The following CHRM3 variants were observed in gnomAD, a reference collection of about 807,000 sequenced individuals.
CHRM3 encodes muscarinic acetylcholine receptor M3.
CHRM3 carries 11 observed loss-of-function variants against 41.8 expected under a neutral mutation model. The observed-to-expected ratio is 0.26, with a 90% confidence interval of 0.17 to 0.44. The LOEUF (loss-of-function observed/expected upper bound fraction) is 0.44, where lower values mean the gene tolerates loss of function less well. Among genes scored for constraint, CHRM3 ranks in the 20% least tolerant of loss-of-function variants. CHRM3 has a pLI of 1.00. For synonymous variants in CHRM3, 297 were observed against 301.4 expected, an observed-to-expected ratio of 0.99 and a Z score of 0.15; for missense variants, 571 against 745.4, an observed-to-expected ratio of 0.77 and a Z score of 2.72.
intron 1 of CHRM3, among the ~76,000 whole-genome samples, chr1:239,401,501 T>C (rs1659970427): frequency 6.9e-6 from 1 of 144,598 alleles, no homozygotes; most frequent in African/African-American, 2.9e-5. Context: ...TTTTCCTTTT[T>C]TTTTTCTTTT....
chr1:239,618,359 G>C (rs985324004), intron 3 of CHRM3, among the ~76,000 whole-genome samples: 7 of 144,406 alleles, frequency 4.8e-5, no homozygotes, highest in Admixed American at 1.4e-4. Flanking sequence ...TGCAAGCTTA[G>C]AGAGGCTGAT....
chr1:239,885,351 C>T lies in CHRM3; in HGVS notation c.-19-22082C>T, dbSNP rs149597022. ...TTTTAGTGACAGGAGGTCCGGAGTACGGTCCAAAAATGGGCAGGTCTAACA... is the reference window on the plus strand; with the variant it reads ...TTTTAGTGACAGGAGGTCCGGAGTATGGTCCAAAAATGGGCAGGTCTAACA... On this transcript the variant is annotated intron_variant, in intron 6 of 6. Coordinates refer to ENST00000676153, the MANE Select transcript of CHRM3 (RefSeq NM_001375978.1). Among the ~76,000 whole-genome samples the T allele has an allele frequency of 1.3e-3, 193 of 152,214 alleles. 1 individual carries two copies. The highest frequency in any genetic ancestry group is 4.4e-3 in the African/African-American group (184 of 41,542).
intron 3 of CHRM3, among the ~76,000 whole-genome samples, chr1:239,566,053 T>C (rs1310264827): frequency 6.6e-6 from 1 of 151,736 alleles, no homozygotes; most frequent in Non-Finnish European, 1.5e-5. Flanking sequence ...TAGTTGGGAC[T>C]ACAGGCATGT....
At chr1:239,863,159 T>C (rs1303300404) in intron 6 of CHRM3, among the ~76,000 whole-genome samples, 1 of 152,148 alleles carries the variant, frequency 6.6e-6, no homozygotes, top group Non-Finnish European at 1.5e-5. Context: ...TCCTAATGGG[T>C]AACTCATATT....
At chr1:239,531,921 T>C (rs1289278237) in intron 2 of CHRM3, among the ~76,000 whole-genome samples, 1 of 149,014 alleles carries the variant, frequency 6.7e-6, no homozygotes, top group Non-Finnish European at 1.5e-5. Flanking sequence ...GGCCTCCCAA[T>C]GTGCTGGGAT....
At chr1:239,678,453 A>G (rs73109160) in intron 5 of CHRM3, among the ~76,000 whole-genome samples, 165 bp downstream of exon 5, 5,890 of 152,240 alleles carry the variant, frequency 0.039, 262 homozygotes, top group East Asian at 0.11. Flanking sequence ...ATATTTTGGC[A>G]TCCACAACTC....
At chr1:239,418,147 T>G (rs1465340149) in intron 1 of CHRM3, among the ~76,000 whole-genome samples, 1 of 152,200 alleles carries the variant, frequency 6.6e-6, no homozygotes, top group Non-Finnish European at 1.5e-5. Flanking sequence ...ATGAGCCCCC[T>G]GGGAGAGGAC....
intron 6 of CHRM3, among the ~76,000 whole-genome samples, chr1:239,848,032 A>AAACCTGTGTTTAAATGGTGTT (rs59350542): frequency 0.026 from 3,984 of 152,232 alleles, 180 homozygotes; most frequent in African/African-American, 0.089. Context: ...TATGTGAGAC[A>AAACCTGTGTTTAAATGGTGTT]AAACCACCAT....
At chr1:239,649,650 A>G (rs1364536450) in intron 4 of CHRM3, among the ~76,000 whole-genome samples, 2 of 152,068 alleles carry the variant, frequency 1.3e-5, no homozygotes, top group African/African-American at 4.8e-5. Flanking sequence ...TGTTTGTGAG[A>G]TGGTGGAGGT....
chr1:239,797,640 A>T (rs1181295483), intron 5 of CHRM3, among the ~76,000 whole-genome samples: 2 of 152,202 alleles, frequency 1.3e-5, no homozygotes, highest in East Asian at 3.8e-4. Flanking sequence ...AAAGCATTTT[A>T]AAAGCTGTAT....
chr1:239,627,871 C>T (rs1332438531), intron 3 of CHRM3, among the ~76,000 whole-genome samples: 2 of 151,044 alleles, frequency 1.3e-5, no homozygotes, highest in South Asian at 2.1e-4. Flanking sequence ...CCGAGAGATC[C>T]GCTGTTAGTC....
intron 6 of CHRM3, among the ~76,000 whole-genome samples, chr1:239,844,471 C>G (rs1572467693): frequency 6.6e-6 from 1 of 152,114 alleles, no homozygotes; most frequent in Non-Finnish European, 1.5e-5. Context: ...TCAAACTATA[C>G]CTGTTCACTC....
chr1:239,579,174 C>G (rs974689263), intron 3 of CHRM3, among the ~76,000 whole-genome samples: 9 of 152,114 alleles, frequency 5.9e-5, no homozygotes, highest in African/African-American at 2.2e-4. Flanking sequence ...GCCTTCTTTG[C>G]CCCTGGTTTT....
At chr1:239,571,674 T>A (rs1213481881) in intron 3 of CHRM3, among the ~76,000 whole-genome samples, 2 of 152,148 alleles carry the variant, frequency 1.3e-5, no homozygotes, top group African/African-American at 4.8e-5. Context: ...ATTCTCACAG[T>A]GATCTCCGTC....
chr1:239,781,515 T>G (rs1364121085), intron 5 of CHRM3, among the ~76,000 whole-genome samples: 1 of 152,148 alleles, frequency 6.6e-6, no homozygotes, highest in East Asian at 1.9e-4. Context: ...ATTTTTGTTT[T>G]GGGGATTTTT....
Position 239,818,218 on chromosome 1 carries a change from G to T in CHRM3, c.-146-9034G>T, listed in dbSNP as rs561320874. 3.9e-5 allele frequency among the ~76,000 whole-genome samples: 6 copies of T among 152,220 alleles called. No individual in the cohort carries two copies. In the East Asian group the frequency reaches 1.2e-3, roughly 29 times the overall value. Reference sequence around the variant, plus strand: ...TTTCCTCTCTGTACCCACAAAAAGAGAACTCTGATTTACCTTCCTTCTTTT... The same window carrying T: ...TTTCCTCTCTGTACCCACAAAAAGATAACTCTGATTTACCTTCCTTCTTTT... On this transcript the variant is annotated intron_variant, in intron 5 of 6. Coordinates refer to ENST00000676153, the MANE Select transcript of CHRM3 (RefSeq NM_001375978.1).
intron 3 of CHRM3, among the ~76,000 whole-genome samples, chr1:239,592,709 C>A (rs917376713): frequency 2.0e-5 from 3 of 152,138 alleles, no homozygotes; most frequent in Non-Finnish European, 4.4e-5. Context: ...TAATATACCA[C>A]ATTTCATTTA....
intron 5 of CHRM3, among the ~76,000 whole-genome samples, chr1:239,817,444 G>A (rs1057338245): frequency 6.6e-6 from 1 of 151,918 alleles, no homozygotes; most frequent in African/African-American, 2.4e-5. Flanking sequence ...GTCACCCCCA[G>A]AACTGCCCAA....
intron 5 of CHRM3, among the ~76,000 whole-genome samples, chr1:239,722,362 A>G (rs979054264): frequency 6.6e-6 from 1 of 151,896 alleles, no homozygotes; most frequent in East Asian, 1.9e-4. Flanking sequence ...ACATATACCT[A>G]GTTAGTTGCA....
Sources: gnomAD v4.1 joint callset for allele counts (sites outside exome capture counted in the v4.1 genomes callset) on GRCh38, gnomAD v4.1.1 for gene constraint, MANE v1.5 for transcripts, NCBI Gene and HGNC (gene_info 2026-07-23, HGNC 2026-07-21) for gene names.